Variants in ADAM22 observed in about 807,000 individuals in gnomAD.
ADAM22 encodes the protein ADAM metallopeptidase domain 22, also known as disintegrin and metalloproteinase domain-containing protein 22.
Under a neutral mutation model 144.6 loss-of-function variants are expected in ADAM22, and 65 were observed. The observed-to-expected ratio is 0.45, with a 90% CI of 0.37 to 0.55. ADAM22 has a LOEUF of 0.55. ADAM22 is among the 20% of genes least tolerant of loss of function. The pLI, the probability that ADAM22 is intolerant of heterozygous loss-of-function variation, is 0.00. For missense variants in ADAM22, 974 were observed against 1,184.9 expected (o/e 0.82, Z 2.61); for synonymous variants, 391 against 412.6 (o/e 0.95, Z 0.63).
intron 4 of ADAM22, among the ~76,000 whole-genome samples, chr7:88,102,344 G>C (rs1246768476): frequency 1.6e-4 from 25 of 152,154 alleles, no homozygotes; most frequent in Admixed American, 1.6e-3. Context: ...GCATCAGTTG[G>C]TTTAGAAAGC....
rs138427385 is a variant in ADAM22 at position 87,996,195 on chromosome 7, C to T, written c.323+17783C>T. Among the ~76,000 whole-genome samples, 93 of 152,274 alleles carry T rather than the reference C, an allele frequency of 6.1e-4. 1 individual carries two copies. The highest frequency in any genetic ancestry group is 2.1e-3 in the African/African-American group (88 of 41,542). On this transcript the variant is annotated intron_variant, in intron 3 of 31. Coordinates refer to ENST00000413139, the MANE Select transcript of ADAM22 (RefSeq NM_001324418.2). ...GAAAGACAGCTCAACAGGAAACCTC[C>T]GGCAGTAGATTGTGCTGGTTGGCTG...
chr7:88,033,721 G>C (rs1214383953), intron 3 of ADAM22, among the ~76,000 whole-genome samples: 1 of 152,080 alleles, frequency 6.6e-6, no homozygotes, highest in Non-Finnish European at 1.5e-5. Flanking sequence ...AAATCTACCT[G>C]GTGCTCCATT....
intron 8 of ADAM22, among the ~76,000 whole-genome samples, chr7:88,125,945 C>T (rs1255010099): frequency 6.6e-6 from 1 of 151,950 alleles, no homozygotes; most frequent in Admixed American, 6.6e-5. Context: ...CCATAGGCTT[C>T]TTTCCTTGCC....
rs921951954 is a variant in ADAM22 at position 87,934,535 on chromosome 7, C to T, written c.70C>T (p.Arg24Cys). 6.2e-7 allele frequency: 1 copy of T among 1,608,448 alleles called. No homozygotes were observed. The highest frequency in any genetic ancestry group is 1.7e-4 in the Middle Eastern group (1 of 6,052). Residue 24 changes from arginine to cysteine, a missense_variant, in exon 1 of 32, where the codon CGC becomes TGC. By Grantham distance (180) the Arg-to-Cys change is radical (BLOSUM62 -3). Coordinates refer to ENST00000413139, the MANE Select transcript of ADAM22 (RefSeq NM_001324418.2). ...TGTCCTGGGGACCTGCCCTCCGGCGCGCTGCGGCCAGGCAGGTAAGTTAGC... is the reference window on the plus strand; with the variant it reads ...TGTCCTGGGGACCTGCCCTCCGGCGTGCTGCGGCCAGGCAGGTAAGTTAGC... The part of the protein sequence containing the change: ...LCVLGTCPPA[R>C]CGQAGDASLM...
chr7:88,151,184 CAT>C (rs1838249094), intron 19 of ADAM22, 71 bp from the exon 20 acceptor site: 1 of 1,582,730 alleles, frequency 6.3e-7, no homozygotes. Context: ...TTTTCCCAAT[CAT>C]AGTTTCTTTT....
intron 2 of ADAM22, among the ~76,000 whole-genome samples, chr7:87,943,613 C>T (rs1842891124): frequency 6.6e-6 from 1 of 151,992 alleles, no homozygotes; most frequent in Admixed American, 6.6e-5. Flanking sequence ...ATTAGAGTTC[C>T]TTTTAAAATA....
chr7:88,173,696 A>G (rs1327598562), intron 26 of ADAM22, among the ~76,000 whole-genome samples: 2 of 152,076 alleles, frequency 1.3e-5, no homozygotes, highest in Non-Finnish European at 2.9e-5. Context: ...TTGATTTTAA[A>G]TGAGGTTTTT....
intron 11 of ADAM22, chr7:88,132,642 T>C: frequency 2.6e-6 from 1 of 389,468 alleles, no homozygotes; most frequent in East Asian, 4.6e-5. Flanking sequence ...TTTTAATAGA[T>C]ATACTTCAAT....
chr7:88,000,770 T>C (rs1384248606), intron 3 of ADAM22, among the ~76,000 whole-genome samples: 1 of 152,168 alleles, frequency 6.6e-6, no homozygotes, highest in African/African-American at 2.4e-5. Flanking sequence ...TATGAATATT[T>C]TTCCATTTAG....
chr7:88,198,839 T>C lies in ADAM22; in HGVS notation c.*2348T>C, dbSNP rs1451615513. 1 of 152,186 alleles carries C rather than the reference T, an allele frequency of 6.6e-6. No individual in the cohort carries two copies. Among genetic ancestry groups the C allele is most frequent in the Non-Finnish European group, 1.5e-5 (1 of 68,036 alleles). The allele number at this position is 152,186 out of a possible 1,614,324, so 9.4% of individuals were successfully genotyped here. Reference sequence around the variant, plus strand: ...TTGGGAGACATGGTTTCTCTAGAGGTATATAGTTTGTAATTACCCGCCTTG... The same window carrying C: ...TTGGGAGACATGGTTTCTCTAGAGGCATATAGTTTGTAATTACCCGCCTTG... On this transcript the variant is annotated 3_prime_UTR_variant, in exon 32 of 32. Coordinates refer to ENST00000413139, the MANE Select transcript of ADAM22 (RefSeq NM_001324418.2).
intron 20 of ADAM22, among the ~76,000 whole-genome samples, chr7:88,151,940 T>C (rs990673503): frequency 6.6e-6 from 1 of 152,220 alleles, no homozygotes; most frequent in African/African-American, 2.4e-5. Context: ...TGTTGAGTAA[T>C]GTATTGTTTC....
rs755309484 is a variant in ADAM22, at chr7:87,945,414, TTAAG to T, written c.246+10234_246+10237del. ...CTTTCATGTGCCTTCCAGAAAAACTTTAAGTAAGTGTTTAATAAGGATAGGATTT... is the reference window on the plus strand; with the variant it reads ...CTTTCATGTGCCTTCCAGAAAAACTTTAAGTGTTTAATAAGGATAGGATTT... On this transcript the variant is annotated intron_variant, in intron 2 of 31. Transcript: ENST00000413139. Among the ~76,000 whole-genome samples the T allele has an allele frequency of 6.6e-5, 10 of 152,266 alleles. No individual in the cohort carries two copies. The South Asian group carries it at 8.3e-4, about 13-fold the overall frequency.
chr7:88,019,132 G>C (rs567032835), intron 3 of ADAM22, among the ~76,000 whole-genome samples: 1 of 151,732 alleles, frequency 6.6e-6, no homozygotes, highest in African/African-American at 2.4e-5. Context: ...AAACTTGCAA[G>C]CAATTTAGCA....
At position 88,193,268 on chromosome 7, in the gene ADAM22, C is replaced by T. The variant is rs760981018; in HGVS notation, c.2874+29C>T. ...TGTGGAAACCTCTTCCATGTGCGTA[C>T]ATGCTCAGTCATTATCATTTATCTA... On this transcript the variant is annotated intron_variant, in intron 31 of 31. Transcript: ENST00000413139. 20 of 1,607,546 alleles carry T rather than the reference C, an allele frequency of 1.2e-5. No individual in the cohort carries two copies. The South Asian group carries it at 2.2e-4, about 18-fold the overall frequency.
intron 2 of ADAM22, among the ~76,000 whole-genome samples, chr7:87,968,167 A>G (rs150836586): frequency 0.014 from 2,068 of 152,282 alleles, 39 homozygotes; most frequent in African/African-American, 0.047. Context: ...TTGGACATGT[A>G]TTATCACAAA....
intron 5 of ADAM22, among the ~76,000 whole-genome samples, chr7:88,113,666 A>G (rs532102105): frequency 1.0e-3 from 132 of 129,216 alleles, no homozygotes; most frequent in Middle Eastern, 3.7e-3. Flanking sequence ...GTGTGTGTAT[A>G]TATATATATA....
chr7:88,112,902 A>G (rs1374915510), intron 5 of ADAM22, among the ~76,000 whole-genome samples: 2 of 151,972 alleles, frequency 1.3e-5, no homozygotes, highest in Admixed American at 1.3e-4. Context: ...TTGTAGAGAG[A>G]GAGTCTTGCC....
chr7:88,011,409 A>G (rs1001191422), intron 3 of ADAM22, among the ~76,000 whole-genome samples: 3 of 152,080 alleles, frequency 2.0e-5, no homozygotes, highest in Non-Finnish European at 2.9e-5. Context: ...GCATGGTGGC[A>G]GGCACCTGTA....
chr7:88,152,082 C>A (rs2129526532), intron 20 of ADAM22, among the ~76,000 whole-genome samples: 1 of 152,052 alleles, frequency 6.6e-6, no homozygotes, highest in South Asian at 2.1e-4. Flanking sequence ...TGCCACAATC[C>A]TTTTAGGAGG....
Sources: allele counts gnomAD v4.1 joint callset (sites outside exome capture counted in the v4.1 genomes callset), GRCh38; gene constraint gnomAD v4.1.1; transcripts MANE v1.5; gene names NCBI Gene and HGNC (gene_info 2026-07-23, HGNC 2026-07-21).